KCNIP1: variants seen among roughly 807,000 people sequenced by gnomAD.
KCNIP1 encodes the protein potassium voltage-gated channel interacting protein 1.
In KCNIP1, 18 loss-of-function variants were observed where a neutral mutation model predicts 33.0. The observed-to-expected ratio is 0.55, with a 90% CI of 0.38 to 0.81. The LOEUF is 0.81. Among genes scored for constraint, KCNIP1 ranks in the 30% least tolerant of loss-of-function variants. The pLI is 0.00. For synonymous variants in KCNIP1, 93 were observed against 98.3 expected (o/e 0.95, Z 0.32); for missense variants, 238 against 271.6 (o/e 0.88, Z 0.87).
At chr5:170,610,156 G>A (rs764743038) in intron 1 of KCNIP1, among the ~76,000 whole-genome samples, 5 of 152,158 alleles carry the variant, frequency 3.3e-5, no homozygotes, top group African/African-American at 4.8e-5. Context: ...CTCCACCCTC[G>A]AATCTGGGAG....
intron 1 of KCNIP1, among the ~76,000 whole-genome samples, chr5:170,491,836 T>C (rs7448059): frequency 0.24 from 37,053 of 152,076 alleles, 4,658 homozygotes; most frequent in African/African-American, 0.3. Flanking sequence ...CTCTCTGTGC[T>C]TTGCTAAACA....
rs917420191 is a variant in KCNIP1, at chr5:170,504,242, G to T, written c.-331G>T. 2 of 1,092,902 alleles carry T rather than the reference G, an allele frequency of 1.8e-6. No individual in the cohort carries two copies. The highest frequency in any genetic ancestry group is 2.2e-6 in the Non-Finnish European group (2 of 900,056). The allele number at this position is 1,092,902 out of a possible 1,614,324, so 67.7% of individuals were successfully genotyped here. On this transcript the variant is annotated 5_prime_UTR_variant, in exon 1 of 8. Coordinates refer to ENST00000328939, the MANE Select transcript of KCNIP1 (RefSeq NM_014592.4). The surrounding 1 kb of genome is among the most constrained non-coding windows in gnomAD (Gnocchi z 6.0). ...GCTCGGCAGCCTCGGCCGGGCGGCC[G>T]CTCTGGCCCCGTGTCCAGTGCCAGG...
chr5:170,447,299 G>C (rs552382702), intron 1 of KCNIP1, among the ~76,000 whole-genome samples: 4 of 151,348 alleles, frequency 2.6e-5, no homozygotes, highest in Non-Finnish European at 4.4e-5. Flanking sequence ...ACAGGACCAC[G>C]GGCACTCACA....
chr5:170,647,480 G>A (rs1242661580), intron 1 of KCNIP1, among the ~76,000 whole-genome samples: 1 of 151,840 alleles, frequency 6.6e-6, no homozygotes, highest in Non-Finnish European at 1.5e-5. Context: ...CATGAATAGA[G>A]TTGACTGATC....
chr5:170,550,608 G>A (rs1233828131), intron 1 of KCNIP1, among the ~76,000 whole-genome samples: 1 of 151,764 alleles, frequency 6.6e-6, no homozygotes, highest in African/African-American at 2.4e-5. Context: ...TGATGATGGT[G>A]ATGACAATGA....
At chr5:170,648,742 T>C (rs1288552700) in intron 1 of KCNIP1, among the ~76,000 whole-genome samples, 1 of 152,194 alleles carries the variant, frequency 6.6e-6, no homozygotes, top group Admixed American at 6.5e-5. Flanking sequence ...TGAACCCTAA[T>C]GTAAACTATG....
chr5:170,639,736 A>C (rs1406350616), intron 1 of KCNIP1, among the ~76,000 whole-genome samples: 1 of 152,156 alleles, frequency 6.6e-6, no homozygotes, highest in Non-Finnish European at 1.5e-5. Flanking sequence ...TGTAATTGAA[A>C]AGTCATGATT....
At chr5:170,614,502 T>C (rs996688895) in intron 1 of KCNIP1, among the ~76,000 whole-genome samples, 1 of 152,242 alleles carries the variant, frequency 6.6e-6, no homozygotes, top group South Asian at 2.1e-4. Context: ...CCATGAAATT[T>C]TAATACCAGA....
At chr5:170,488,740 C>CAAGG (rs1309883578) in intron 1 of KCNIP1, among the ~76,000 whole-genome samples, 4 of 152,148 alleles carry the variant, frequency 2.6e-5, no homozygotes, top group Admixed American at 6.5e-5. Flanking sequence ...AAGCCAAGAG[C>CAAGG]AAGGACTGGG....
chr5:170,503,839 G>T (rs1281345760), upstream of KCNIP1, among the ~76,000 whole-genome samples: 1 of 151,728 alleles, frequency 6.6e-6, no homozygotes, highest in African/African-American at 2.4e-5. Context: ...CCTGGCCCCG[G>T]GTCTGTCTCT....
chr5:170,427,695 C>A (rs2113441084), intron 1 of KCNIP1, among the ~76,000 whole-genome samples: 1 of 152,350 alleles, frequency 6.6e-6, no homozygotes, highest in African/African-American at 2.4e-5. Context: ...GGACTGCTCC[C>A]AGGCTGCACC....
chr5:170,597,807 ATATATATATAT>A (rs1417145194), intron 1 of KCNIP1, among the ~76,000 whole-genome samples: 1,850 of 6,482 alleles, frequency 0.29, 53 homozygotes, highest in Non-Finnish European at 0.43. Context: ...ATATATATAT[ATATATATATAT>A]ATATATATAT....
intron 1 of KCNIP1, among the ~76,000 whole-genome samples, chr5:170,459,846 C>T (rs138003756): frequency 0.045 from 6,904 of 152,074 alleles, 394 homozygotes; most frequent in African/African-American, 0.13. Flanking sequence ...AAGATCAGAG[C>T]AGAACTAAAT....
At chr5:170,627,086 G>A (rs1005681583) in intron 1 of KCNIP1, among the ~76,000 whole-genome samples, 1 of 152,154 alleles carries the variant, frequency 6.6e-6, no homozygotes, top group Admixed American at 6.5e-5. Flanking sequence ...TGGGGGCCGT[G>A]GCTCTGACGA....
intron 1 of KCNIP1, among the ~76,000 whole-genome samples, chr5:170,570,168 T>C (rs1298953415): frequency 1.3e-5 from 2 of 152,128 alleles, no homozygotes; most frequent in African/African-American, 4.8e-5. Context: ...CTATTTTCTA[T>C]AAAATTAAGA....
chr5:170,635,280 T>C (rs554192618), intron 1 of KCNIP1, among the ~76,000 whole-genome samples: 1 of 152,354 alleles, frequency 6.6e-6, no homozygotes, highest in African/African-American at 2.4e-5. Flanking sequence ...TCTGCCTGCC[T>C]CGGCCTCCCA....
intron 1 of KCNIP1, among the ~76,000 whole-genome samples, chr5:170,389,957 G>A (rs1005425670): frequency 3.9e-5 from 6 of 152,102 alleles, no homozygotes; most frequent in Admixed American, 6.5e-5. Context: ...AGTTAGAGAC[G>A]GTGGGGATTT....
intron 1 of KCNIP1, among the ~76,000 whole-genome samples, chr5:170,682,784 C>CTTTTTTTTTTTTCTT (rs1762397282): frequency 1.4e-5 from 1 of 71,404 alleles, no homozygotes; most frequent in East Asian, 6.2e-4. Flanking sequence ...TTCTTTGTTT[C>CTTTTTTTTTTTTCTT]TTTTTTTTTT....
intron 1 of KCNIP1, among the ~76,000 whole-genome samples, chr5:170,626,395 T>C (rs904808683): frequency 3.9e-5 from 6 of 152,134 alleles, no homozygotes; most frequent in African/African-American, 1.4e-4. Context: ...GTGCTAGCTT[T>C]CTAATGGGGG....
Sources: gnomAD v4.1 joint callset for allele counts (sites outside exome capture counted in the v4.1 genomes callset) on GRCh38, gnomAD v4.1.1 for gene constraint, Gnocchi (gnomAD v3.1) non-coding constraint, MANE v1.5 for transcripts, NCBI Gene and HGNC (gene_info 2026-07-23, HGNC 2026-07-21) for gene names.